PSG11: variants seen among roughly 807,000 people sequenced by gnomAD.
PSG11 encodes pregnancy specific beta-1-glycoprotein 11, also known as pregnancy-specific beta-1-glycoprotein 11.
A neutral mutation model predicts 36.0 loss-of-function variants in PSG11; 42 were observed. The observed-to-expected ratio is 1.17, with a 90% CI of 0.91 to 1.51. The LOEUF (loss-of-function observed/expected upper bound fraction) is 1.51. Ranked by LOEUF, PSG11 falls within the 40% of genes most tolerant of loss-of-function variation. PSG11 has a pLI of 0.00. For missense variants in PSG11, 558 were observed against 403.5 expected (o/e 1.38, Z -3.28); for synonymous variants, 206 against 153.5 (o/e 1.34, Z -2.53).
At chr19:43,022,604 G>A in intron 2 of PSG11, among the ~76,000 whole-genome samples, 1 of 151,376 alleles carries the variant, frequency 6.6e-6, no homozygotes, top group Non-Finnish European at 1.5e-5. Context: ...ATAAATTTGT[G>A]TGTTTGTGTG....
chr19:43,025,965 G>A (rs1428662915), intron 1 of PSG11, among the ~76,000 whole-genome samples: 1 of 83,006 alleles, frequency 1.2e-5, no homozygotes, highest in African/African-American at 4.9e-5. Flanking sequence ...TTTTTGAGAT[G>A]GAGTCTCGTA....
chr19:43,026,438 C>A lies in PSG11; in HGVS notation c.-66G>T, dbSNP rs780001080. Reference sequence around the variant, plus strand: ...CTAGGATCCAGAAGCTTCCAGAGCACGGCTGTCAGCTGTGCTGTCCTTCCT... The same window carrying A: ...CTAGGATCCAGAAGCTTCCAGAGCAAGGCTGTCAGCTGTGCTGTCCTTCCT... On this transcript the variant is annotated 5_prime_UTR_variant, in exon 1 of 6. Coordinates refer to ENST00000320078, the MANE Select transcript of PSG11 (RefSeq NM_002785.3). 4.4e-6 allele frequency: 7 copies of A among 1,584,122 alleles called. No individual in the cohort carries two copies. Among genetic ancestry groups the A allele is most frequent in the Non-Finnish European group, 6.0e-6 (7 of 1,160,200 alleles).
chr19:43,011,869 C>A (rs545933197), intron 4 of PSG11, among the ~76,000 whole-genome samples: 1 of 148,530 alleles, frequency 6.7e-6, no homozygotes, highest in Non-Finnish European at 1.5e-5. Flanking sequence ...CCATCCTGGG[C>A]TGGCCTACAG....
intron 2 of PSG11, among the ~76,000 whole-genome samples, chr19:43,021,027 C>G (rs183107124): frequency 6.6e-6 from 1 of 151,472 alleles, no homozygotes; most frequent in Non-Finnish European, 1.5e-5. Context: ...CATGAGGAAA[C>G]AGTTGTATGT....
intron 5 of PSG11, 46 bp downstream of exon 5, chr19:43,009,912 G>A: frequency 7.1e-7 from 1 of 1,418,090 alleles, no homozygotes; most frequent in South Asian, 1.2e-5. Flanking sequence ...CCCAAGCATG[G>A]CAGTCAGCCC....
At chr19:43,013,876 C>T (rs1322231734) in intron 4 of PSG11, among the ~76,000 whole-genome samples, 1 of 151,374 alleles carries the variant, frequency 6.6e-6, no homozygotes, top group African/African-American at 2.4e-5. Flanking sequence ...CTGAAAAGTC[C>T]ATTGAAAGAT....
At chr19:43,021,576 C>G (rs1231208278) in intron 2 of PSG11, among the ~76,000 whole-genome samples, 1 of 151,420 alleles carries the variant, frequency 6.6e-6, no homozygotes, top group Non-Finnish European at 1.5e-5. Flanking sequence ...TGGTCTCCAT[C>G]TCCTGACCTT....
chr19:43,018,546 T>G (rs562335744), intron 3 of PSG11: 37 of 1,057,020 alleles, frequency 3.5e-5, no homozygotes, highest in Admixed American at 1.3e-4. Flanking sequence ...CCCATCACAA[T>G]CTGTGGACCC....
intron 2 of PSG11, among the ~76,000 whole-genome samples, chr19:43,020,127 G>A (rs770364995): frequency 5.9e-5 from 9 of 151,282 alleles, no homozygotes; most frequent in South Asian, 2.1e-4. Flanking sequence ...GTGGGTGTGC[G>A]GTTTCAGTTA....
chr19:43,021,525 G>A (rs994822659), intron 2 of PSG11, among the ~76,000 whole-genome samples: 5 of 151,170 alleles, frequency 3.3e-5, no homozygotes, highest in African/African-American at 1.2e-4. Flanking sequence ...CTAATTTTTT[G>A]TATTTTTAGC....
At chr19:43,015,396 G>A in intron 3 of PSG11, 26 bp from the exon 4 acceptor site, 1 of 1,597,564 alleles carries the variant, frequency 6.3e-7, no homozygotes, top group Non-Finnish European at 8.5e-7. Flanking sequence ...TAAAGCCACA[G>A]TTGATGTCAT....
At chr19:43,022,265 G>T (rs544682452) in intron 2 of PSG11, among the ~76,000 whole-genome samples, 1 of 151,484 alleles carries the variant, frequency 6.6e-6, no homozygotes, top group South Asian at 2.1e-4. Flanking sequence ...TAGAACGTGA[G>T]ATTGGTCTTT....
In PSG11 at chr19:43,025,107, G is replaced by A. The variant is rs1024146519; in HGVS notation, c.65-51C>T. ...AATATTGAGACCTATGTATTGGGGT[G>A]AAAAGATGGGGCCCTGAGTCCTGAG... On this transcript the variant is annotated intron_variant, in intron 1 of 5. Transcript: ENST00000320078. 17 of 1,569,740 alleles carry A rather than the reference G, an allele frequency of 1.1e-5. No individual in the cohort carries two copies. In the African/African-American group the frequency reaches 1.6e-4, roughly 15 times the overall value.
Position 43,016,413 on chromosome 19 carries a change from A to C in PSG11, c.710-1043T>G, listed in dbSNP as rs912027353. Among the ~76,000 whole-genome samples the C allele has an allele frequency of 1.1e-3, 162 of 151,090 alleles. 8 individuals carry two copies. The highest frequency in any genetic ancestry group is 2.4e-4 in the Non-Finnish European group (16 of 67,830). ...AATGTGCAACTGCTGGGCCCCTTCC[A>C]AATTCCATCCTACTTTGCCCCCCTA... On this transcript the variant is annotated intron_variant, in intron 3 of 5. Transcript: ENST00000320078.
chr19:43,024,474 C>A (rs1310683234), intron 2 of PSG11: 1 of 680,478 alleles, frequency 1.5e-6, no homozygotes, highest in African/African-American at 1.8e-5. Flanking sequence ...TGTCCTTCCT[C>A]TGCAGCGAGT....
intron 2 of PSG11, chr19:43,019,467 GC>G (rs1967051528): frequency 5.0e-6 from 1 of 198,840 alleles, no homozygotes; most frequent in Non-Finnish European, 1.0e-5. Context: ...AGCTTCCCTT[GC>G]CAAGGACATC....
rs1203011222 is a variant in PSG11 at position 43,019,226 on chromosome 19, G to T, written c.431-178C>A. 3.8e-6 allele frequency: 5 copies of T among 1,332,850 alleles called. No individual in the cohort carries two copies. The East Asian group carries it at 1.2e-4, about 32-fold the overall frequency. 82.6% of individuals were successfully genotyped at this position (1,332,850 alleles called of 1,614,324 possible). A position where few individuals can be genotyped will look rare whatever the true frequency, so the allele number is the denominator to read the frequency against. On this transcript the variant is annotated intron_variant, in intron 2 of 5. Transcript: ENST00000320078. ...CATTCTGAAGGCTAAGAGATTGTGA[G>T]GCTGCCTGCTTTATGTGGGAGAAGC... is the stretch of plus-strand genomic sequence containing the variant.
intron 4 of PSG11, among the ~76,000 whole-genome samples, chr19:43,011,562 A>G (rs1301381617): frequency 6.6e-6 from 1 of 151,360 alleles, no homozygotes; most frequent in African/African-American, 2.4e-5. Context: ...ACTAAGAAAA[A>G]AAGAGAAAAG....
In PSG11 at chr19:43,018,937, C is replaced by A. The variant is rs775816835; in HGVS notation, c.542G>T (p.Trp181Leu). Residue 181 changes from tryptophan (W) to leucine (L), a missense_variant, in exon 3 of 6, where the codon TGG (tryptophan) becomes TTG (leucine). Transcript: ENST00000320078. ...PETPDASYLWWMNGQSLPMTH... is the reference protein window; with the variant it reads ...PETPDASYLWLMNGQSLPMTH... Reference sequence around the variant, plus strand: ...CATAGGGAGGCTCTGACCATTCATCCACCACAGGTAGCTTGCGTCCGGAGT... The same window carrying A: ...CATAGGGAGGCTCTGACCATTCATCAACCACAGGTAGCTTGCGTCCGGAGT... The A allele has an allele frequency of 3.5e-5, 56 of 1,612,010 alleles. 3 individuals are homozygous for A. The highest frequency in any genetic ancestry group is 1.7e-4 in the Admixed American group (10 of 59,844).
Sources: gnomAD v4.1 joint callset for allele counts (sites outside exome capture counted in the v4.1 genomes callset) on GRCh38, gnomAD v4.1.1 for gene constraint, MANE v1.5 for transcripts, NCBI Gene and HGNC (gene_info 2026-07-23, HGNC 2026-07-21) for gene names.